The following COL4A1 variants were observed in gnomAD, a reference collection of about 807,000 sequenced individuals.
COL4A1 encodes collagen type IV alpha 1 chain.
In COL4A1, 40 loss-of-function variants were observed where a neutral mutation model predicts 216.6. The ratio of observed to expected loss-of-function variants is 0.18; its 90% CI spans 0.14 to 0.24. The LOEUF is 0.24. Among genes scored for constraint, COL4A1 ranks in the 10% least tolerant of loss-of-function variants. COL4A1 has a pLI of 1.00. For missense variants in COL4A1, 1,628 were observed against 2,196.8 expected, an observed-to-expected ratio of 0.74 and a Z score of 5.18; for synonymous variants, 839 against 810.7, an observed-to-expected ratio of 1.03 and a Z score of -0.59.
intron 21 of COL4A1, among the ~76,000 whole-genome samples, chr13:110,197,925 A>G: frequency 6.6e-6 from 1 of 152,106 alleles, no homozygotes; most frequent in East Asian, 1.9e-4. Flanking sequence ...TTTTCTTCGA[A>G]TTTGCTTTGG....
At chr13:110,290,000 G>A (rs34841474) in intron 1 of COL4A1, among the ~76,000 whole-genome samples, 5 of 152,122 alleles carry the variant, frequency 3.3e-5, no homozygotes, top group South Asian at 2.1e-4. Context: ...GAAAAGGGGC[G>A]TGAAGGGAAG....
chr13:110,158,144 A>C (rs549563819), intron 49 of COL4A1, among the ~76,000 whole-genome samples: 1 of 152,380 alleles, frequency 6.6e-6, no homozygotes, highest in African/African-American at 2.4e-5. Flanking sequence ...ACACAGGTGA[A>C]GTATTGCCTG....
chr13:110,179,962 G>A (rs1383813852), intron 29 of COL4A1, among the ~76,000 whole-genome samples: 1 of 152,158 alleles, frequency 6.6e-6, no homozygotes, highest in Non-Finnish European at 1.5e-5. Context: ...AAAGGGTGAA[G>A]GTGCCTTGGA....
At position 110,184,390 on chromosome 13, in the gene COL4A1, G is replaced by GA. The variant is rs1341976245; in HGVS notation, c.1898-1115dup. ...GACAGCACTTGATTTGTTGATTGTG[G>GA]AATCAAGAGACCCAAGGGAAAGTGA... On this transcript the variant is annotated intron_variant, in intron 26 of 51. Transcript: ENST00000375820. Among the ~76,000 whole-genome samples the GA allele has an allele frequency of 6.6e-5, 10 of 152,296 alleles. No homozygotes were observed. In the East Asian group the frequency reaches 7.7e-4, roughly 12 times the overall value.
chr13:110,287,940 G>A (rs1244271047), intron 1 of COL4A1, among the ~76,000 whole-genome samples: 2 of 152,148 alleles, frequency 1.3e-5, no homozygotes, highest in East Asian at 3.9e-4. Context: ...GCTGACAACA[G>A]ACCAAGAAAT....
intron 1 of COL4A1, among the ~76,000 whole-genome samples, chr13:110,285,843 G>A (rs924044677): frequency 1.3e-5 from 2 of 152,156 alleles, no homozygotes; most frequent in African/African-American, 2.4e-5. Flanking sequence ...GGTCATGTGT[G>A]AGTCAAGACC....
chr13:110,295,164 C>T (rs994980483), intron 1 of COL4A1, among the ~76,000 whole-genome samples: 1 of 152,050 alleles, frequency 6.6e-6, no homozygotes, highest in African/African-American at 2.4e-5. Context: ...GTGAAGATCC[C>T]ACTTTTAGAC....
rs761629983 is a variant in COL4A1 at position 110,211,831 on chromosome 13, A to G, written c.441+38T>C. The stretch of plus-strand genomic sequence containing the variant: ...GAATGAAAAGAGAGAAGTCATAACT[A>G]AAAGAAAGAAGTTCTGCCCTAAATA... On this transcript the variant is annotated intron_variant, in intron 7 of 51. Transcript: ENST00000375820. This position sits in a 1 kb window ranked among gnomAD's most constrained non-coding sequence, Gnocchi z 4.3. 32 of 1,609,356 alleles carry G rather than the reference A, an allele frequency of 2.0e-5. 1 individual carries two copies. In the South Asian group the frequency reaches 3.3e-4, roughly 17 times the overall value.
chr13:110,213,386 G>A (rs908916344), intron 4 of COL4A1, among the ~76,000 whole-genome samples: 4 of 152,176 alleles, frequency 2.6e-5, no homozygotes, highest in Non-Finnish European at 5.9e-5. Context: ...GTGGAGAGGA[G>A]GAAGAGCAAG....
chr13:110,201,280 A>AGGAGGAAGAGAAGGAGGGGGG, intron 19 of COL4A1, 158 bp downstream of exon 19: 1 of 475,372 alleles, frequency 2.1e-6, no homozygotes. Flanking sequence ...GAGGAGGGGG[A>AGGAGGAAGAGAAGGAGGGGGG]GGAGGAAGAG....
At chr13:110,151,512 G>A (rs1876496128) in intron 51 of COL4A1, among the ~76,000 whole-genome samples, 2 of 152,192 alleles carry the variant, frequency 1.3e-5, no homozygotes. Context: ...TTAGAGAAGC[G>A]TGTATGTTGT....
At chr13:110,242,614 A>C in intron 2 of COL4A1, 61 bp downstream of exon 2, 1 of 1,534,194 alleles carries the variant, frequency 6.5e-7, no homozygotes, top group Non-Finnish European at 9.0e-7. Context: ...GGTTACTGTT[A>C]ATGTAGTACT....
chr13:110,230,906 G>C (rs375293506), intron 2 of COL4A1, among the ~76,000 whole-genome samples: 3 of 152,290 alleles, frequency 2.0e-5, no homozygotes, highest in Admixed American at 6.5e-5. Flanking sequence ...GGGCACACCC[G>C]TTTACCCAGG....
intron 2 of COL4A1, among the ~76,000 whole-genome samples, chr13:110,238,081 A>G (rs551151954): frequency 6.6e-6 from 1 of 152,226 alleles, no homozygotes; most frequent in Non-Finnish European, 1.5e-5. Context: ...TCTGATGACA[A>G]TATTATTGCA....
chr13:110,160,950 C>A, intron 49 of COL4A1: 1 of 523,476 alleles, frequency 1.9e-6, no homozygotes, highest in South Asian at 2.0e-5. Context: ...CTCAAGCAAC[C>A]CTCTCGCCTC....
intron 42 of COL4A1, 52 bp downstream of exon 42, chr13:110,170,495 T>A: frequency 1.3e-6 from 2 of 1,534,612 alleles, no homozygotes; most frequent in South Asian, 2.4e-5. Context: ...CTATTTCCTT[T>A]TGTGAATTCT....
chr13:110,277,077 A>T (rs568323433), intron 1 of COL4A1, among the ~76,000 whole-genome samples: 1 of 152,206 alleles, frequency 6.6e-6, no homozygotes, highest in African/African-American at 2.4e-5. Flanking sequence ...TTTGAACTCC[A>T]GTTTAGATAA....
At chr13:110,183,392 CG>C in intron 26 of COL4A1, 116 bp from the exon 27 acceptor site, 1 of 942,776 alleles carries the variant, frequency 1.1e-6, no homozygotes, top group Middle Eastern at 2.5e-4. Context: ...CACGAGTGCC[CG>C]GAGAGCAGAG....
At chr13:110,218,976 C>T (rs943185001) in intron 2 of COL4A1, among the ~76,000 whole-genome samples, 1 of 152,212 alleles carries the variant, frequency 6.6e-6, no homozygotes, top group African/African-American at 2.4e-5. Flanking sequence ...TTCCACAAGG[C>T]CAACTCCTTG....
Sources: gnomAD v4.1 joint callset for allele counts (sites outside exome capture counted in the v4.1 genomes callset) on GRCh38, gnomAD v4.1.1 for gene constraint, Gnocchi (gnomAD v3.1) non-coding constraint, MANE v1.5 for transcripts, NCBI Gene and HGNC (gene_info 2026-07-23, HGNC 2026-07-21) for gene names.